The following ATRNL1 variants were observed in gnomAD, a reference collection of about 807,000 sequenced individuals.
ATRNL1 encodes attractin like 1.
In ATRNL1, 95 loss-of-function variants were observed where a neutral mutation model predicts 182.7. That is an observed-to-expected ratio of 0.52 (90% CI 0.44 to 0.62). The LOEUF (loss-of-function observed/expected upper bound fraction) is 0.62, where lower values mean the gene tolerates loss of function less well. Among genes scored for constraint, ATRNL1 ranks in the 20% least tolerant of loss-of-function variants. The probability of loss-of-function intolerance (pLI) is 0.00; values close to 1 mark genes in which losing one functional copy is unlikely to be tolerated. For synonymous variants in ATRNL1, 576 were observed against 568.3 expected (o/e 1.01, Z -0.19); for missense variants, 1,471 against 1,679.5 (o/e 0.88, Z 2.17).
intron 19 of ATRNL1, among the ~76,000 whole-genome samples, chr10:115,382,544 C>G (rs1165093150): frequency 2.0e-5 from 3 of 151,916 alleles, no homozygotes; most frequent in Non-Finnish European, 2.9e-5. Flanking sequence ...CCTGCTTACA[C>G]ATTGATTTGG....
chr10:115,569,530 A>ATGTT (rs533454302), intron 26 of ATRNL1, among the ~76,000 whole-genome samples: 262 of 152,332 alleles, frequency 1.7e-3, no homozygotes, highest in African/African-American at 6.2e-3. Context: ...GTGGGAAATG[A>ATGTT]TGTTTTAAAG....
chr10:115,388,712 G>C (rs1554953337), intron 19 of ATRNL1, among the ~76,000 whole-genome samples: 2 of 151,752 alleles, frequency 1.3e-5, no homozygotes, highest in African/African-American at 4.8e-5. Flanking sequence ...TCTGTGATGT[G>C]TTTCTCTGCT....
intron 26 of ATRNL1, among the ~76,000 whole-genome samples, chr10:115,611,917 A>G (rs1202484446): frequency 6.6e-6 from 1 of 152,144 alleles, no homozygotes; most frequent in Non-Finnish European, 1.5e-5. Context: ...TAGTCATTAC[A>G]AGGCCAAAAA....
In ATRNL1 at chr10:115,093,993, C is replaced by T; in HGVS notation, c.243C>T (p.Cys81=). Reference sequence around the variant, plus strand: ...GCTGTGTCAACTCCACCTGCCTCTGCGACCCGGGCTGGGTGGGGGACCAGT... The same window carrying T: ...GCTGTGTCAACTCCACCTGCCTCTGTGACCCGGGCTGGGTGGGGGACCAGT... ...SGRCVNSTCL[C]DPGWVGDQCQ... Residue 81 remains cysteine, a synonymous_variant, in exon 1 of 29, where the codon TGC becomes TGT. Coordinates refer to ENST00000355044, the MANE Select transcript of ATRNL1 (RefSeq NM_207303.4). This position sits in a 1 kb window ranked among gnomAD's most constrained non-coding sequence, Gnocchi z 6.1. The T allele has an allele frequency of 6.3e-7, 1 of 1,581,736 alleles. No individual in the cohort carries two copies. Among genetic ancestry groups the T allele is most frequent in the African/African-American group, 1.4e-5 (1 of 72,494 alleles).
intron 26 of ATRNL1, among the ~76,000 whole-genome samples, chr10:115,719,290 C>T (rs1026884523): frequency 6.6e-6 from 1 of 152,048 alleles, no homozygotes. Context: ...ACATGAAGTA[C>T]AGAACTTCAT....
At chr10:115,097,948 A>G (rs1350079436) in intron 1 of ATRNL1, among the ~76,000 whole-genome samples, 3 of 152,150 alleles carry the variant, frequency 2.0e-5, no homozygotes, top group Non-Finnish European at 2.9e-5. Flanking sequence ...ATAAACAACA[A>G]CAACAAAAAA....
chr10:115,148,489 G>C lies in ATRNL1; in HGVS notation c.830-11551G>C, dbSNP rs371887407. ...CTTGAAGTAGTATATTGATTAGGTG[G>C]TGAAAGTGGACATCTTTGTCTTCCT... On this transcript the variant is annotated intron_variant, in intron 5 of 28. Transcript: ENST00000355044. Among the ~76,000 whole-genome samples the C allele has an allele frequency of 6.8e-4, 103 of 152,234 alleles. 2 individuals are homozygous for C. In the South Asian group the frequency reaches 0.021, roughly 31 times the overall value.
intron 25 of ATRNL1, among the ~76,000 whole-genome samples, chr10:115,532,236 T>C (rs1223656154): frequency 3.2e-4 from 48 of 152,292 alleles, no homozygotes; most frequent in East Asian, 1.9e-3. Context: ...GCCATTTTCA[T>C]GATATTGATT....
intron 26 of ATRNL1, among the ~76,000 whole-genome samples, chr10:115,558,512 G>C (rs73375307): frequency 0.062 from 9,464 of 152,264 alleles, 929 homozygotes; most frequent in African/African-American, 0.21. Flanking sequence ...GTGGCGGAAG[G>C]GGGAGGGCTG....
chr10:115,147,453 C>G (rs1332798126), intron 5 of ATRNL1, among the ~76,000 whole-genome samples: 1 of 152,120 alleles, frequency 6.6e-6, no homozygotes, highest in Non-Finnish European at 1.5e-5. Flanking sequence ...CTTTGCTGTG[C>G]AGAAGCTTTT....
At chr10:115,533,061 T>C (rs574324226) in intron 25 of ATRNL1, among the ~76,000 whole-genome samples, 102 of 152,314 alleles carry the variant, frequency 6.7e-4, no homozygotes, top group African/African-American at 2.2e-3. Context: ...TGGTCTAAAA[T>C]TCTCTTTTTT....
intron 19 of ATRNL1, among the ~76,000 whole-genome samples, chr10:115,381,449 T>TTTTTTTTTTTTTTTTTTC: frequency 6.9e-6 from 1 of 144,418 alleles, no homozygotes; most frequent in South Asian, 2.2e-4. Flanking sequence ...TTTTTTTTTT[T>TTTTTTTTTTTTTTTTTTC]AGTAGACATG....
intron 5 of ATRNL1, among the ~76,000 whole-genome samples, chr10:115,154,978 G>A (rs1554881714): frequency 6.6e-6 from 1 of 152,002 alleles, no homozygotes; most frequent in Non-Finnish European, 1.5e-5. Context: ...ATATGTCTAG[G>A]TGCTCCAGTG....
intron 5 of ATRNL1, among the ~76,000 whole-genome samples, chr10:115,148,812 C>T (rs1041160982): frequency 7.1e-6 from 1 of 141,404 alleles, no homozygotes; most frequent in Admixed American, 7.4e-5. Context: ...TGCAGTGATG[C>T]GATCTTGGCT....
intron 8 of ATRNL1, among the ~76,000 whole-genome samples, chr10:115,186,433 A>G (rs1041483891): frequency 6.6e-6 from 1 of 152,160 alleles, no homozygotes; most frequent in Non-Finnish European, 1.5e-5. Flanking sequence ...AGTACTATTC[A>G]TCATAGCCAA....
chr10:115,692,925 C>T (rs74316890), intron 26 of ATRNL1, among the ~76,000 whole-genome samples: 7,815 of 151,920 alleles, frequency 0.051, 676 homozygotes, highest in African/African-American at 0.18. Flanking sequence ...TTTTCATAAC[C>T]TCTTCTGAAT....
intron 27 of ATRNL1, among the ~76,000 whole-genome samples, chr10:115,741,257 T>A (rs1948131960): frequency 6.6e-6 from 1 of 152,158 alleles, no homozygotes; most frequent in Non-Finnish European, 1.5e-5. Context: ...ACTCAATGTA[T>A]TGCTGAATGT....
intron 6 of ATRNL1, among the ~76,000 whole-genome samples, chr10:115,161,427 A>C (rs1170242361): frequency 2.0e-5 from 3 of 152,040 alleles, no homozygotes; most frequent in African/African-American, 7.2e-5. Flanking sequence ...ATGATATTTA[A>C]ATGTGAAAAT....
rs952282206 is a variant in ATRNL1, at chr10:115,775,544, T to G, written c.3903+48189T>G. Among the ~76,000 whole-genome samples the G allele has an allele frequency of 5.3e-5, 8 of 152,174 alleles. No homozygotes were observed. In the South Asian group the frequency reaches 1.7e-3, roughly 32 times the overall value. On this transcript the variant is annotated intron_variant, in intron 27 of 28. Coordinates refer to ENST00000355044, the MANE Select transcript of ATRNL1 (RefSeq NM_207303.4). ...AAGCTCTCGAGCAAAAGTTATAATA[T>G]TTGAACTTAAAAAGACAAATATCCT...
Sources: allele counts gnomAD v4.1 joint callset (sites outside exome capture counted in the v4.1 genomes callset), GRCh38; gene constraint gnomAD v4.1.1; non-coding constraint Gnocchi (gnomAD v3.1); transcripts MANE v1.5; gene names NCBI Gene and HGNC (gene_info 2026-07-23, HGNC 2026-07-21).